Variants in CFTR observed in about 807,000 individuals in gnomAD.
CFTR encodes CF transmembrane conductance regulator.
In CFTR, 181 loss-of-function variants were observed where a neutral mutation model predicts 171.6. That is an observed-to-expected ratio of 1.05 (90% CI 0.93 to 1.19). CFTR has a LOEUF of 1.19. CFTR is among the 50% of genes most tolerant of loss of function. The pLI is 0.00. For missense variants in CFTR, 1,968 were observed against 1,734.7 expected, an observed-to-expected ratio of 1.13 and a Z score of -2.39; for synonymous variants, 583 against 608.0, an observed-to-expected ratio of 0.96 and a Z score of 0.60.
Position 117,592,462 on chromosome 7 carries a change from G to T in CFTR, c.2295G>T (p.Arg765Ser). 2 of 1,584,404 alleles carry T rather than the reference G, an allele frequency of 1.3e-6. No individual in the cohort carries two copies. Among genetic ancestry groups the T allele is most frequent in the Non-Finnish European group, 1.7e-6 (2 of 1,166,034 alleles). Residue 765 changes from arginine to serine, a missense_variant, in exon 14 of 27, where the codon AGG becomes AGT. Coordinates refer to ENST00000003084, the MANE Select transcript of CFTR (RefSeq NM_000492.4). ...ISTGPTLQAR[R>S]RQSVLNLMTH... is the part of the protein sequence containing the mutation. ...CTGGCCCCACGCTTCAGGCACGAAG[G>T]AGGCAGTCTGTCCTGAACCTGATGA...
rs1798928692 is a variant in CFTR, at chr7:117,535,229, C to T, written c.580-19C>T. 3.1e-6 allele frequency: 5 copies of T among 1,613,656 alleles called. No individual in the cohort carries two copies. Among genetic ancestry groups the T allele is most frequent in the Non-Finnish European group, 4.2e-6 (5 of 1,179,770 alleles). ...GAAGATACAATGACACCTGTTTTTG[C>T]TGTGCTTTTATTTTCCAGGGACTTG... On this transcript the variant is annotated intron_variant, in intron 5 of 26. Transcript: ENST00000003084.
intron 10 of CFTR, among the ~76,000 whole-genome samples, chr7:117,554,068 T>C (rs976504446): frequency 6.6e-6 from 1 of 152,168 alleles, no homozygotes; most frequent in African/African-American, 2.4e-5. Flanking sequence ...TCGTAAAGAC[T>C]AAGGCTTATT....
At chr7:117,632,853 T>C (rs1048668315) in intron 22 of CFTR, among the ~76,000 whole-genome samples, 1 of 152,214 alleles carries the variant, frequency 6.6e-6, no homozygotes, top group African/African-American at 2.4e-5. Flanking sequence ...AAGAGAACCT[T>C]TGAGCACAGA....
Position 117,664,728 on chromosome 7 carries a change from T to C in CFTR, c.4004T>C (p.Leu1335Pro), listed in dbSNP as rs397508658. 3.1e-6 allele frequency: 5 copies of C among 1,614,066 alleles called. No individual in the cohort carries two copies. The highest frequency in any genetic ancestry group is 3.4e-6 in the Non-Finnish European group (4 of 1,179,924). ...GTGATAGAACAGTTTCCTGGGAAGC[T>C]TGACTTTGTCCTTGTGGATGGGGGC... Reference protein sequence around the residue: ...RSVIEQFPGKLDFVLVDGGCV... With the variant: ...RSVIEQFPGKPDFVLVDGGCV... Residue 1335 changes from leucine to proline, a missense_variant, in exon 25 of 27, where the codon CTT becomes CCT. By Grantham distance (98) the Leu-to-Pro change is moderately conservative. Coordinates refer to ENST00000003084, the MANE Select transcript of CFTR (RefSeq NM_000492.4).
At chr7:117,654,584 T>A (rs1793138539) in intron 24 of CFTR, among the ~76,000 whole-genome samples, 1 of 152,162 alleles carries the variant, frequency 6.6e-6, no homozygotes, top group African/African-American at 2.4e-5. Flanking sequence ...GAGTGAGTTC[T>A]CACGAGATCC....
chr7:117,660,199 A>G (rs150228725), intron 24 of CFTR, among the ~76,000 whole-genome samples: 11 of 152,114 alleles, frequency 7.2e-5, no homozygotes, highest in Non-Finnish European at 1.2e-4. Flanking sequence ...TTTATTTTTA[A>G]TGCTACGTTG....
Position 117,667,091 on chromosome 7 carries a change from C to T in CFTR, c.4426C>T (p.Gln1476Ter), listed in dbSNP as rs374705585. The T allele has an allele frequency of 2.0e-5, 33 of 1,613,752 alleles. No individual in the cohort carries two copies. Among genetic ancestry groups the T allele is most frequent in the Non-Finnish European group, 2.7e-5 (32 of 1,179,896 alleles). ...GAAAGAGGAGACAGAAGAAGAGGTGCAAGATACAAGGCTTTAGAGAGCAGC... is the reference window on the plus strand; with the variant it reads ...GAAAGAGGAGACAGAAGAAGAGGTGTAAGATACAAGGCTTTAGAGAGCAGC... Reference protein sequence around the residue: ...ALKEETEEEVQDTRL With the variant: ...ALKEETEEEV The change falls in exon 27 of 27, where the codon CAA (glutamine) becomes TAA (stop). Residue 1476 changes from glutamine (Q) to a stop codon, truncating the protein, a stop_gained. Coordinates refer to ENST00000003084, the MANE Select transcript of CFTR (RefSeq NM_000492.4). LOFTEE classifies it high-confidence loss of function.
At chr7:117,489,193 T>A (rs1798118917) in intron 1 of CFTR, among the ~76,000 whole-genome samples, 1 of 152,072 alleles carries the variant, frequency 6.6e-6, no homozygotes, top group African/African-American at 2.4e-5. Flanking sequence ...GGTGAAGGTG[T>A]TATGAATGCA....
Position 117,616,579 on chromosome 7 carries a change from T to C in CFTR, c.3468+1866T>C, listed in dbSNP as rs1434814856. Among the ~76,000 whole-genome samples the C allele has an allele frequency of 3.3e-5, 5 of 152,154 alleles. No homozygotes were observed. The South Asian group carries it at 1.0e-3, about 32-fold the overall frequency. ...GATGTCAAAACCTCTGTTTGGTGCA[T>C]TTCTACTCTGCGTGTTCAATCTCCA... On this transcript the variant is annotated intron_variant, in intron 21 of 26. Coordinates refer to ENST00000003084, the MANE Select transcript of CFTR (RefSeq NM_000492.4).
Position 117,664,679 on chromosome 7 carries a change from T to C in CFTR, c.3964-9T>C. On this transcript the variant is annotated splice_polypyrimidine_tract_variant and intron_variant, in intron 24 of 26. Coordinates refer to ENST00000003084, the MANE Select transcript of CFTR (RefSeq NM_000492.4). ...TCTGTGGTATCTGAACTATCTTCTC[T>C]AACTGCAGGTTGGGCTCAGATCTGT... 6.2e-7 allele frequency: 1 copy of C among 1,613,430 alleles called. No individual in the cohort carries two copies.
At chr7:117,611,513 C>A in intron 19 of CFTR, 68 bp from the exon 20 acceptor site, 1 of 969,784 alleles carries the variant, frequency 1.0e-6, no homozygotes, top group Non-Finnish European at 1.6e-6. Context: ...TTTTCAGGTA[C>A]AAGATATTAT....
chr7:117,636,286 A>AT (rs373448050), intron 22 of CFTR, among the ~76,000 whole-genome samples: 1 of 151,752 alleles, frequency 6.6e-6, no homozygotes, highest in Non-Finnish European at 1.5e-5. Flanking sequence ...TTCTATCAAG[A>AT]TTTTTTCTTT....
chr7:117,553,522 T>C (rs1287158019), intron 10 of CFTR, among the ~76,000 whole-genome samples: 2 of 152,220 alleles, frequency 1.3e-5, no homozygotes, highest in Admixed American at 6.5e-5. Flanking sequence ...ACTCATGCCA[T>C]ACACTCTAAA....
chr7:117,535,521 T>C lies in CFTR; in HGVS notation c.743+110T>C, dbSNP rs549292357. 8 of 793,992 alleles carry C rather than the reference T, an allele frequency of 1.0e-5. No homozygotes were observed. The African/African-American group carries it at 1.3e-4, about 13-fold the overall frequency. The allele number at this position is 793,992 out of a possible 1,614,324, so 49.2% of individuals were successfully genotyped here. Reference sequence around the variant, plus strand: ...CATAGAACAGTGATCTTCAGTGTCATTAAATTTTTTTTTTTTTTTTTTTTT... The same window carrying C: ...CATAGAACAGTGATCTTCAGTGTCACTAAATTTTTTTTTTTTTTTTTTTTT... On this transcript the variant is annotated intron_variant, in intron 6 of 26. Coordinates refer to ENST00000003084, the MANE Select transcript of CFTR (RefSeq NM_000492.4).
At chr7:117,542,724 G>A (rs920863738) in intron 9 of CFTR, among the ~76,000 whole-genome samples, 11 of 152,090 alleles carry the variant, frequency 7.2e-5, no homozygotes, top group Non-Finnish European at 1.5e-4. Flanking sequence ...TTTACTTTCT[G>A]TGTAATCTAA....
rs369831723 is a variant in CFTR, at chr7:117,572,580, G to A, written c.1584+12925G>A. ...ATGTATAGTAGCTGTATACAAAAATGTTACTTCATTCTCTCTCTCTTTATA... is the reference window on the plus strand; with the variant it reads ...ATGTATAGTAGCTGTATACAAAAATATTACTTCATTCTCTCTCTCTTTATA... On this transcript the variant is annotated intron_variant, in intron 11 of 26. Transcript: ENST00000003084. Among the ~76,000 whole-genome samples, 4 of 152,196 alleles carry A rather than the reference G, an allele frequency of 2.6e-5. No homozygotes were observed. In the South Asian group the frequency reaches 8.3e-4, roughly 32 times the overall value.
rs1793110791 is a variant in CFTR, at chr7:117,652,937, G to T, written c.3963+6G>T. On this transcript the variant is annotated splice_donor_region_variant and intron_variant, in intron 24 of 26. Transcript: ENST00000003084. ...TATGGAAAGTTGCAGATGAGGTAAG[G>T]CTGCTAACTGAAATGATTTTGAAAG... 6.4e-6 allele frequency: 10 copies of T among 1,556,844 alleles called. No individual in the cohort carries two copies. The highest frequency in any genetic ancestry group is 2.1e-4 in the Middle Eastern group (1 of 4,822).
Position 117,535,228 on chromosome 7 carries a change from G to T in CFTR, c.580-20G>T. The stretch of plus-strand genomic sequence containing the variant: ...GGAAGATACAATGACACCTGTTTTT[G>T]CTGTGCTTTTATTTTCCAGGGACTT... On this transcript the variant is annotated intron_variant, in intron 5 of 26. Transcript: ENST00000003084. The T allele has an allele frequency of 6.2e-7, 1 of 1,613,800 alleles. No individual in the cohort carries two copies. Among genetic ancestry groups the T allele is most frequent in the Non-Finnish European group, 8.5e-7 (1 of 1,179,800 alleles).
intron 10 of CFTR, among the ~76,000 whole-genome samples, chr7:117,558,473 G>C (rs1024326725): frequency 5.9e-5 from 9 of 151,946 alleles, no homozygotes; most frequent in Non-Finnish European, 1.3e-4. Context: ...AGAATGGCGT[G>C]AACCCAGGAG....
Sources: allele counts gnomAD v4.1 joint callset (sites outside exome capture counted in the v4.1 genomes callset), GRCh38; gene constraint gnomAD v4.1.1; transcripts MANE v1.5; gene names NCBI Gene and HGNC (gene_info 2026-07-23, HGNC 2026-07-21).